The following BYSL variants were observed in gnomAD, a reference collection of about 807,000 sequenced individuals.
The protein encoded by BYSL is bystin.
In BYSL, 21 loss-of-function variants were observed where a neutral mutation model predicts 45.4. That is an observed-to-expected ratio of 0.46 (90% CI 0.33 to 0.67). The LOEUF is 0.67. Among genes scored for constraint, BYSL ranks in the 30% least tolerant of loss-of-function variants. BYSL has a pLI of 0.02. For synonymous variants in BYSL, 215 were observed against 231.3 expected (o/e 0.93, Z 0.64); for missense variants, 522 against 578.5 (o/e 0.90, Z 1.00).
the BYSL span, chr6:41,909,578 G>A: frequency 1.3e-6 from 2 of 1,590,568 alleles, no homozygotes; most frequent in Non-Finnish European, 1.7e-6. Flanking sequence ...AAACCCCAGA[G>A]TAGAGTCAAA....
Position 41,930,704 on chromosome 6 carries a change from GAGC to G in BYSL, c.642_644del (p.Gln215del). 6.2e-7 allele frequency: 1 copy of G among 1,614,078 alleles called. No individual in the cohort carries two copies. The highest frequency in any genetic ancestry group is 8.5e-7 in the Non-Finnish European group (1 of 1,179,964). On this transcript the variant is annotated inframe_deletion, in exon 4 of 7. Transcript: ENST00000230340. Reference sequence around the variant, plus strand: ...GATCATCCCTGCACTCTCCAACTGGGAGCAAATCCTCTACGTCACAGAGCCGGA... The same window carrying G: ...GATCATCCCTGCACTCTCCAACTGGGAAATCCTCTACGTCACAGAGCCGGA...
chr6:41,908,941 G>T, the BYSL span: 6 of 374,766 alleles, frequency 1.6e-5, no homozygotes, highest in Middle Eastern at 6.8e-4. Flanking sequence ...CCAGCACTTT[G>T]GGGGGCTGAG....
At chr6:41,924,981 G>A (rs548897482) in intron 1 of BYSL, among the ~76,000 whole-genome samples, 20 of 152,304 alleles carry the variant, frequency 1.3e-4, no homozygotes, top group African/African-American at 4.8e-4. Flanking sequence ...CCCAGGCTTA[G>A]CATTGGGTGG....
chr6:41,923,077 C>T (rs1775512538), intron 1 of BYSL, among the ~76,000 whole-genome samples: 1 of 152,192 alleles, frequency 6.6e-6, no homozygotes, highest in African/African-American at 2.4e-5. Context: ...CCACCACAGT[C>T]TCTCACCTGG....
At position 41,926,530 on chromosome 6, in the gene BYSL, A is replaced by G. The variant is rs1026883262; in HGVS notation, c.269-844A>G. Among the ~76,000 whole-genome samples the G allele has an allele frequency of 3.3e-5, 5 of 151,862 alleles. No homozygotes were observed. In the South Asian group the frequency reaches 1.0e-3, roughly 32 times the overall value. On this transcript the variant is annotated intron_variant, in intron 1 of 6. Transcript: ENST00000230340. ...CAGTGGCGTGACCTTGGCTCACTGC[A>G]ACCTCCACCTCCTGGGTTCAAGTGA... is the stretch of plus-strand genomic sequence containing the variant.
chr6:41,912,399 CA>C, the BYSL span, among the ~76,000 whole-genome samples: 3 of 139,740 alleles, frequency 2.1e-5, no homozygotes, highest in South Asian at 4.5e-4. Context: ...CTCTGTTGTC[CA>C]GGCTGGAGTG....
At chr6:41,919,775 A>G (rs1775412349), upstream of BYSL, among the ~76,000 whole-genome samples, 1 of 152,198 alleles carries the variant, frequency 6.6e-6, no homozygotes, top group Non-Finnish European at 1.5e-5. Flanking sequence ...ATTTCTTTAA[A>G]AAAAAGAAAG....
At chr6:41,923,509 C>G (rs960749373) in intron 1 of BYSL, among the ~76,000 whole-genome samples, 1 of 152,164 alleles carries the variant, frequency 6.6e-6, no homozygotes, top group African/African-American at 2.4e-5. Context: ...GTTGGCCAGA[C>G]TGGTCTTGAA....
In BYSL at chr6:41,921,506, T is replaced by C; in HGVS notation, c.-57T>C. Reference sequence around the variant, plus strand: ...GCTGGGAGTCCACCGCGCAAGCGCATCCTGGCCTTTCTTCAGTCCCCACGT... The same window carrying C: ...GCTGGGAGTCCACCGCGCAAGCGCACCCTGGCCTTTCTTCAGTCCCCACGT... On this transcript the variant is annotated 5_prime_UTR_variant, in exon 1 of 7. Transcript: ENST00000230340. 6.6e-7 allele frequency: 1 copy of C among 1,514,816 alleles called. No individual in the cohort carries two copies. The highest frequency in any genetic ancestry group is 2.2e-5 in the Admixed American group (1 of 45,592). The allele number at this position is 1,514,816 out of a possible 1,614,324, so 93.8% of individuals were successfully genotyped here.
rs1339803402 is a variant in BYSL, at chr6:41,925,214, CTTAT to C, written c.269-2156_269-2153del. ...CGTGGAGACAAAATGTCTGTTCCCC[CTTAT>C]TTAGTGTTTATCACACACTGCCTTT... On this transcript the variant is annotated intron_variant, in intron 1 of 6. Coordinates refer to ENST00000230340, the MANE Select transcript of BYSL (RefSeq NM_004053.4). Among the ~76,000 whole-genome samples the C allele has an allele frequency of 2.6e-5, 4 of 152,210 alleles. No individual in the cohort carries two copies. In the East Asian group the frequency reaches 7.7e-4, roughly 29 times the overall value.
chr6:41,930,336 T>G, intron 3 of BYSL, 66 bp downstream of exon 3: 1 of 1,562,634 alleles, frequency 6.4e-7, no homozygotes, highest in Non-Finnish European at 8.7e-7. Flanking sequence ...TGCCACAGGC[T>G]TTTTTGCCTT....
the BYSL span, among the ~76,000 whole-genome samples, chr6:41,916,096 A>G: frequency 6.6e-6 from 1 of 151,662 alleles, no homozygotes; most frequent in Non-Finnish European, 1.5e-5. Flanking sequence ...AAAATTTAAA[A>G]TATTAGCCAG....
At chr6:41,928,594 C>T (rs1044503682) in intron 2 of BYSL, among the ~76,000 whole-genome samples, 1 of 152,138 alleles carries the variant, frequency 6.6e-6, no homozygotes, top group African/African-American at 2.4e-5. Context: ...AGACAAGCTC[C>T]TTGAAGTAAT....
intron 4 of BYSL, 83 bp downstream of exon 4, chr6:41,930,851 C>T: frequency 6.7e-7 from 1 of 1,501,656 alleles, no homozygotes; most frequent in Non-Finnish European, 8.8e-7. Flanking sequence ...TGCCTCTGGC[C>T]CCAGGGCATT....
rs187843739 is a variant in BYSL at position 41,930,783 on chromosome 6, G to T, written c.704+15G>T. 2 of 1,608,140 alleles carry T rather than the reference G, an allele frequency of 1.2e-6. No homozygotes were observed. The highest frequency in any genetic ancestry group is 1.7e-6 in the Non-Finnish European group (2 of 1,178,052). On this transcript the variant is annotated intron_variant, in intron 4 of 6. Coordinates refer to ENST00000230340, the MANE Select transcript of BYSL (RefSeq NM_004053.4). ...CAGGCCACCAGGTAGAGTAGCTGGG[G>T]GTTCGGGGGCCTTGGGTTTATAGGT...
At chr6:41,925,905 C>G (rs1312661676) in intron 1 of BYSL, among the ~76,000 whole-genome samples, 2 of 151,928 alleles carry the variant, frequency 1.3e-5, no homozygotes, top group African/African-American at 2.4e-5. Flanking sequence ...AGGCTGGTCT[C>G]GAACTCCCAA....
intron 2 of BYSL, among the ~76,000 whole-genome samples, chr6:41,928,622 G>A (rs941595119): frequency 1.3e-5 from 2 of 152,126 alleles, no homozygotes; most frequent in South Asian, 2.1e-4. Context: ...CCTGGCAGTC[G>A]TAAGAAATGA....
At position 41,931,809 on chromosome 6, in the gene BYSL, C is replaced by G. The variant is rs1180793611; in HGVS notation, c.947C>G (p.Ser316Cys). 6.2e-7 allele frequency: 1 copy of G among 1,613,932 alleles called. No homozygotes were observed. The highest frequency in any genetic ancestry group is 1.7e-5 in the Admixed American group (1 of 60,006). Reference sequence around the variant, plus strand: ...GTGGGTAGCATCATCACCAAGTGCTCCATCCCTGTGTTGCACTCCAGGTAG... The same window carrying G: ...GTGGGTAGCATCATCACCAAGTGCTGCATCCCTGTGTTGCACTCCAGGTAG... The part of the protein sequence containing the change: ...IIVGSIITKC[S>C]IPVLHSSAAM... Residue 316 changes from serine (S) to cysteine (C), a missense_variant, in exon 6 of 7, where the codon TCC (serine) becomes TGC (cysteine). Transcript: ENST00000230340.
rs759434319 is a variant in BYSL at position 41,931,761 on chromosome 6, G to T, written c.899G>T (p.Cys300Phe). 6.2e-7 allele frequency: 1 copy of T among 1,614,014 alleles called. No individual in the cohort carries two copies. Among genetic ancestry groups the T allele is most frequent in the African/African-American group, 1.3e-5 (1 of 74,920 alleles). Residue 300 changes from cysteine to phenylalanine, a missense_variant, in exon 6 of 7, where the codon TGT (cysteine) becomes TTT (phenylalanine). Cys to Phe is a radical substitution (Grantham distance 205). Transcript: ENST00000230340. ...ATTCCACTGTGCGAGTCTGGCACTT[G>T]TACCCTCCGGGAAGCCATCATTGTG... ...ILIPLCESGT[C>F]TLREAIIVGS...
Sources: gnomAD v4.1 joint callset for allele counts (sites outside exome capture counted in the v4.1 genomes callset) on GRCh38, gnomAD v4.1.1 for gene constraint, MANE v1.5 for transcripts, NCBI Gene and HGNC (gene_info 2026-07-23, HGNC 2026-07-21) for gene names.